TYW3: variants seen among roughly 807,000 people sequenced by gnomAD.
TYW3 encodes tRNA-yW synthesizing protein 3 homolog, also known as tRNA wybutosine-synthesizing protein 3 homolog.
Under a neutral mutation model 23.1 loss-of-function variants are expected in TYW3, and 26 were observed. That is an observed-to-expected ratio of 1.13 (90% CI 0.83 to 1.56). The LOEUF (loss-of-function observed/expected upper bound fraction) is 1.56. Ranked by LOEUF, TYW3 falls within the 40% of genes most tolerant of loss-of-function variation. The pLI, the probability that TYW3 is intolerant of heterozygous loss-of-function variation, is 0.00. For missense variants in TYW3, 316 were observed against 311.9 expected, an observed-to-expected ratio of 1.01 and a Z score of -0.10; for synonymous variants, 102 against 105.7, an observed-to-expected ratio of 0.97 and a Z score of 0.21.
rs1434394914 is a variant in TYW3 at position 74,766,550 on chromosome 1, C to T, written c.*2437C>T. ...TAAGGATATAAAGAAATATTTTGTA[C>T]AGCTGTACAATAAGCTAAGCATTAT... On this transcript the variant is annotated 3_prime_UTR_variant, in exon 6 of 6. Coordinates refer to ENST00000370867, the MANE Select transcript of TYW3 (RefSeq NM_138467.3). The T allele has an allele frequency of 6.6e-6, 1 of 152,086 alleles. No homozygotes were observed. The highest frequency in any genetic ancestry group is 1.5e-5 in the Non-Finnish European group (1 of 68,018). 9.4% of individuals were successfully genotyped at this position (152,086 alleles called of 1,614,324 possible).
At chr1:74,763,659 G>A (rs113568425) in intron 5 of TYW3, among the ~76,000 whole-genome samples, 84 of 152,130 alleles carry the variant, frequency 5.5e-4, no homozygotes, top group African/African-American at 2.0e-3. Context: ...ATTTGGGTTG[G>A]AAAGTGAGGT....
intron 3 of TYW3, among the ~76,000 whole-genome samples, chr1:74,739,275 C>G (rs56984812): frequency 0.031 from 4,698 of 152,078 alleles, 247 homozygotes; most frequent in African/African-American, 0.11. Flanking sequence ...GTGTCAAGTA[C>G]TAGGGGCACA....
intron 4 of TYW3, among the ~76,000 whole-genome samples, chr1:74,751,815 T>G (rs1047993140): frequency 3.3e-5 from 5 of 152,242 alleles, no homozygotes; most frequent in African/African-American, 1.2e-4. Flanking sequence ...CTATTAAGAT[T>G]GTGAACCCTA....
intron 3 of TYW3, among the ~76,000 whole-genome samples, chr1:74,739,770 G>A (rs1648285563): frequency 6.6e-6 from 1 of 152,222 alleles, no homozygotes; most frequent in African/African-American, 2.4e-5. Context: ...ATAGAGAAAG[G>A]AGTGCAGTAA....
intron 5 of TYW3, among the ~76,000 whole-genome samples, chr1:74,754,528 G>GA (rs1375931786): frequency 2.6e-5 from 4 of 151,880 alleles, no homozygotes; most frequent in African/African-American, 9.7e-5. Flanking sequence ...GTTGAAAAGA[G>GA]AAAAAAATCC....
At chr1:74,733,663 G>A (rs1014608283) in intron 1 of TYW3, 2 of 672,318 alleles carry the variant, frequency 3.0e-6, no homozygotes, top group Non-Finnish European at 3.7e-6. Flanking sequence ...GGTAGGGCCT[G>A]ATACTGTGCA....
At chr1:74,748,082 G>A (rs565371837) in intron 3 of TYW3, among the ~76,000 whole-genome samples, 6 of 152,148 alleles carry the variant, frequency 3.9e-5, no homozygotes, top group Non-Finnish European at 5.9e-5. Flanking sequence ...TGTTTAAGCT[G>A]CATCCCTGGC....
intron 3 of TYW3, among the ~76,000 whole-genome samples, chr1:74,745,398 G>A (rs1304007730): frequency 2.0e-5 from 3 of 152,088 alleles, no homozygotes; most frequent in Non-Finnish European, 2.9e-5. Context: ...TTTACAGAGT[G>A]CTGATTGGCC....
chr1:74,766,185 C>A lies in TYW3; in HGVS notation c.*2072C>A, dbSNP rs1455422782. ...ATGGTACATATAATTATGTACAGTG[C>A]ATACATAATACTTGATAATATGTTA... is the stretch of plus-strand genomic sequence containing the variant. On this transcript the variant is annotated 3_prime_UTR_variant, in exon 6 of 6. Coordinates refer to ENST00000370867, the MANE Select transcript of TYW3 (RefSeq NM_138467.3). 2.6e-5 allele frequency: 4 copies of A among 151,930 alleles called. No homozygotes were observed. Among genetic ancestry groups the A allele is most frequent in the Non-Finnish European group, 5.9e-5 (4 of 67,896 alleles). The allele number at this position is 151,930 out of a possible 1,614,324, so 9.4% of individuals were successfully genotyped here.
intron 2 of TYW3, 36 bp downstream of exon 2, chr1:74,736,658 T>C (rs780944732): frequency 1.8e-4 from 263 of 1,491,146 alleles, no homozygotes; most frequent in Non-Finnish European, 2.3e-4. Flanking sequence ...AATAAACTTT[T>C]AAATTCAGTT....
chr1:74,756,418 G>A (rs1356215659), intron 5 of TYW3, among the ~76,000 whole-genome samples: 1 of 152,160 alleles, frequency 6.6e-6, no homozygotes, highest in African/African-American at 2.4e-5. Flanking sequence ...ATGGAGATGA[G>A]GAACTTGTTG....
At chr1:74,740,471 G>T (rs891496376) in intron 3 of TYW3, among the ~76,000 whole-genome samples, 3 of 152,096 alleles carry the variant, frequency 2.0e-5, no homozygotes, top group Admixed American at 6.6e-5. Context: ...CTGCTGGCTC[G>T]GGTGGACAGT....
At chr1:74,735,790 G>A (rs1018200001) in intron 1 of TYW3, among the ~76,000 whole-genome samples, 3 of 152,162 alleles carry the variant, frequency 2.0e-5, no homozygotes, top group Non-Finnish European at 2.9e-5. Flanking sequence ...AGCAATTCCC[G>A]GTTCCAAGGG....
intron 5 of TYW3, among the ~76,000 whole-genome samples, chr1:74,757,566 A>G (rs930129079): frequency 6.6e-6 from 1 of 152,226 alleles, no homozygotes; most frequent in African/African-American, 2.4e-5. Context: ...CCACCATTGT[A>G]TCTAGGAAAT....
intron 3 of TYW3, among the ~76,000 whole-genome samples, chr1:74,747,912 C>A (rs557110596): frequency 6.6e-6 from 1 of 151,380 alleles, no homozygotes; most frequent in Admixed American, 6.6e-5. Context: ...TATATACACA[C>A]GTATATACAT....
chr1:74,746,591 G>C (rs890646444), intron 3 of TYW3, among the ~76,000 whole-genome samples: 1 of 152,138 alleles, frequency 6.6e-6, no homozygotes, highest in African/African-American at 2.4e-5. Context: ...GCCCCTTTTT[G>C]AGGGGGGTCC....
At chr1:74,743,076 G>T (rs1047346181) in intron 3 of TYW3, among the ~76,000 whole-genome samples, 7 of 152,212 alleles carry the variant, frequency 4.6e-5, no homozygotes, top group Non-Finnish European at 8.8e-5. Context: ...CTGGCTCAGA[G>T]AACGTTTGTT....
intron 5 of TYW3, among the ~76,000 whole-genome samples, chr1:74,755,773 G>C (rs924359363): frequency 6.6e-6 from 1 of 152,180 alleles, no homozygotes; most frequent in Non-Finnish European, 1.5e-5. Context: ...TATATGAAGA[G>C]CTCTGTGGGA....
At chr1:74,733,471 G>A (rs888055209) in intron 1 of TYW3, 53 bp downstream of exon 1, 6 of 1,598,242 alleles carry the variant, frequency 3.8e-6, no homozygotes, top group Non-Finnish European at 5.1e-6. Context: ...GAAACTTCAG[G>A]AGCCCTGTTC....
Sources: gnomAD v4.1 joint callset for allele counts (sites outside exome capture counted in the v4.1 genomes callset) on GRCh38, gnomAD v4.1.1 for gene constraint, MANE v1.5 for transcripts, NCBI Gene and HGNC (gene_info 2026-07-23, HGNC 2026-07-21) for gene names.